The following NDUFA5 variants were observed in gnomAD, a reference collection of about 807,000 sequenced individuals.
NDUFA5 encodes NADH:ubiquinone oxidoreductase subunit A5, also known as NADH dehydrogenase [ubiquinone] 1 alpha subcomplex subunit 5.
Under a neutral mutation model 19.8 loss-of-function variants are expected in NDUFA5, and 11 were observed. The ratio of observed to expected loss-of-function variants is 0.56; its 90% confidence interval spans 0.35 to 0.92. NDUFA5 has a LOEUF of 0.92. Among genes scored for constraint, NDUFA5 ranks in the 40% least tolerant of loss-of-function variants. The pLI, the probability that NDUFA5 is intolerant of heterozygous loss-of-function variation, is 0.01. For synonymous variants in NDUFA5, 47 were observed against 46.8 expected (o/e 1.00, Z -0.01); for missense variants, 109 against 134.2 (o/e 0.81, Z 0.93).
chr7:123,567,508 A>T, the NDUFA5 span, among the ~76,000 whole-genome samples: 203 of 152,318 alleles, frequency 1.3e-3, 1 homozygote, highest in African/African-American at 4.5e-3. Context: ...AGGACTTCCT[A>T]CGCTGCTTCT....
chr7:123,545,601 T>C lies in NDUFA5; in HGVS notation c.249+10A>G. ...AAACCAAACACCTAAATAGTCAACT[T>C]TTTCTTTACCTGAAGAATCACCTCT... On this transcript the variant is annotated intron_variant, in intron 4 of 4. Coordinates refer to ENST00000355749, the MANE Select transcript of NDUFA5 (RefSeq NM_005000.5). The C allele has an allele frequency of 6.2e-7, 1 of 1,609,388 alleles. No individual in the cohort carries two copies. The highest frequency in any genetic ancestry group is 1.1e-5 in the South Asian group (1 of 90,650).
the NDUFA5 span, among the ~76,000 whole-genome samples, chr7:123,595,963 A>T: frequency 7.2e-5 from 11 of 152,202 alleles, no homozygotes; most frequent in African/African-American, 2.4e-4. Flanking sequence ...GAAATGTAAA[A>T]TTTTGCTTTA....
chr7:123,565,123 A>G, the NDUFA5 span, among the ~76,000 whole-genome samples: 16 of 152,300 alleles, frequency 1.1e-4, no homozygotes, highest in East Asian at 2.5e-3. Flanking sequence ...AGCCAATGGT[A>G]TCAATCCTGG....
chr7:123,578,354 T>A, the NDUFA5 span, among the ~76,000 whole-genome samples: 1 of 151,870 alleles, frequency 6.6e-6, no homozygotes, highest in Admixed American at 6.6e-5. Context: ...GAACTCTGTT[T>A]TTTAGCCTCT....
chr7:123,588,556 CT>C, the NDUFA5 span, among the ~76,000 whole-genome samples: 1 of 137,822 alleles, frequency 7.3e-6, no homozygotes, highest in Non-Finnish European at 1.6e-5. Flanking sequence ...TCTTTCTTTC[CT>C]TCTTCCTTCC....
intron 2 of NDUFA5, among the ~76,000 whole-genome samples, chr7:123,553,810 C>A (rs1298171801): frequency 6.6e-6 from 1 of 152,062 alleles, no homozygotes; most frequent in East Asian, 1.9e-4. Context: ...TAGAACAGTA[C>A]CTGGTACACA....
At chr7:123,571,540 ATTTG>A in the NDUFA5 span, among the ~76,000 whole-genome samples, 1 of 152,284 alleles carries the variant, frequency 6.6e-6, no homozygotes, top group South Asian at 2.1e-4. Flanking sequence ...TTATCTTTTT[ATTTG>A]TAGATAATAA....
intron 2 of NDUFA5, chr7:123,556,670 T>G (rs1798559488): frequency 2.7e-6 from 1 of 369,094 alleles, no homozygotes; most frequent in Non-Finnish European, 5.2e-6. Flanking sequence ...ACCATTGGAT[T>G]TGGCAACATG....
the NDUFA5 span, among the ~76,000 whole-genome samples, chr7:123,591,072 G>A: frequency 6.6e-6 from 1 of 152,156 alleles, no homozygotes; most frequent in African/African-American, 2.4e-5. Context: ...TTGTAAATGG[G>A]AGTTCACTCA....
At chr7:123,584,840 T>G in the NDUFA5 span, 1 of 151,942 alleles carries the variant, frequency 6.6e-6, no homozygotes, top group Admixed American at 6.6e-5. Context: ...AGAAAAGTTT[T>G]GAATAAATTA....
intron 3 of NDUFA5, 118 bp downstream of exon 3, chr7:123,550,352 A>C: frequency 1.5e-6 from 1 of 680,918 alleles, no homozygotes; most frequent in Non-Finnish European, 2.6e-6. Flanking sequence ...GAATGATGGG[A>C]AAAGAGCATT....
chr7:123,542,513 C>A (rs1797977134), intron 4 of NDUFA5, among the ~76,000 whole-genome samples: 1 of 152,094 alleles, frequency 6.6e-6, no homozygotes, highest in Non-Finnish European at 1.5e-5. Context: ...GTTTTTTGAG[C>A]ATCAGAAGTA....
In NDUFA5 at chr7:123,548,367, C is replaced by G. The variant is rs1054986170; in HGVS notation, c.183+2103G>C. Among the ~76,000 whole-genome samples, 10 of 152,082 alleles carry G rather than the reference C, an allele frequency of 6.6e-5. 1 individual carries two copies. Among genetic ancestry groups the G allele is most frequent in the African/African-American group, 2.4e-4 (10 of 41,396 alleles). On this transcript the variant is annotated intron_variant, in intron 3 of 4. Coordinates refer to ENST00000355749, the MANE Select transcript of NDUFA5 (RefSeq NM_005000.5). Reference sequence around the variant, plus strand: ...ACAAAGTTGAATCCAATATCATTAACAAGTAGCTTATGGCTGGTGGAGACA... The same window carrying G: ...ACAAAGTTGAATCCAATATCATTAAGAAGTAGCTTATGGCTGGTGGAGACA...
Position 123,557,443 on chromosome 7 carries a change from A to G in NDUFA5, c.27T>C (p.Thr9=), listed in dbSNP as rs772891948. The G allele has an allele frequency of 8.7e-6, 14 of 1,612,790 alleles. No individual in the cohort carries two copies. The highest frequency in any genetic ancestry group is 1.2e-5 in the Non-Finnish European group (14 of 1,179,338). Residue 9 remains threonine, a synonymous_variant, in exon 2 of 5, where the codon ACT becomes ACC. Transcript: ENST00000355749. MAGVLKKT[T]GLVGLAVCNT... Reference sequence around the variant, plus strand: ...TGCACACAGCCAATCCCACAAGGCCAGTGGTCTGTTCAAAAACAAAACACG... The same window carrying G: ...TGCACACAGCCAATCCCACAAGGCCGGTGGTCTGTTCAAAAACAAAACACG...
chr7:123,594,719 C>A, the NDUFA5 span, among the ~76,000 whole-genome samples: 1 of 152,156 alleles, frequency 6.6e-6, no homozygotes, highest in Non-Finnish European at 1.5e-5. Flanking sequence ...GAGGAGTCTC[C>A]CTGTCAGGCT....
At chr7:123,583,197 C>T in the NDUFA5 span, among the ~76,000 whole-genome samples, 14 of 151,766 alleles carry the variant, frequency 9.2e-5, no homozygotes, top group Admixed American at 9.2e-4. Context: ...TCAAGATCAG[C>T]TGGGGCAATT....
chr7:123,576,794 G>T, the NDUFA5 span, among the ~76,000 whole-genome samples: 2 of 152,158 alleles, frequency 1.3e-5, no homozygotes, highest in Non-Finnish European at 2.9e-5. Context: ...AAGATCTGCT[G>T]CCACTAGGTT....
chr7:123,559,088 AAAAG>A (rs1451899838), upstream of NDUFA5, among the ~76,000 whole-genome samples: 1 of 152,138 alleles, frequency 6.6e-6, no homozygotes, highest in Non-Finnish European at 1.5e-5. Context: ...ACTAAGAAAA[AAAAG>A]AGAGAAGATT....
At chr7:123,568,392 T>G in the NDUFA5 span, among the ~76,000 whole-genome samples, 1 of 151,322 alleles carries the variant, frequency 6.6e-6, no homozygotes, top group African/African-American at 2.4e-5. Flanking sequence ...TGGTGGCGCA[T>G]GCTTGTAATC....
Sources: allele counts gnomAD v4.1 joint callset (sites outside exome capture counted in the v4.1 genomes callset), GRCh38; gene constraint gnomAD v4.1.1; transcripts MANE v1.5; gene names NCBI Gene and HGNC (gene_info 2026-07-23, HGNC 2026-07-21).